IL1RAPL2: variants seen among roughly 807,000 people sequenced by gnomAD.
IL1RAPL2 encodes X-linked interleukin-1 receptor accessory protein-like 2.
In IL1RAPL2, 3 loss-of-function variants were observed where a neutral mutation model predicts 44.1. The ratio of observed to expected loss-of-function variants is 0.07; its 90% CI spans 0.03 to 0.18. The LOEUF (loss-of-function observed/expected upper bound fraction) is 0.18, where lower values mean the gene tolerates loss of function less well. Ranked by LOEUF, IL1RAPL2 falls within the 10% of genes least tolerant of loss-of-function variation. The pLI, the probability that IL1RAPL2 is intolerant of heterozygous loss-of-function variation, is 1.00. For synonymous variants in IL1RAPL2, 181 were observed against 178.8 expected (o/e 1.01, Z -0.10); for missense variants, 391 against 496.4 (o/e 0.79, Z 2.02).
chrX:105,258,629 C>G (rs1413896513), intron 4 of IL1RAPL2, among the ~76,000 whole-genome samples: 1 of 111,828 alleles, frequency 8.9e-6, no homozygotes, highest in Non-Finnish European at 1.9e-5. Context: ...TTGTTCATTC[C>G]TTTTTATTCT....
chrX:105,514,333 G>A (rs1311249517), intron 6 of IL1RAPL2, among the ~76,000 whole-genome samples: 2 of 111,465 alleles, frequency 1.8e-5, no homozygotes, highest in Admixed American at 9.6e-5. Context: ...CTAGACATGG[G>A]TGGGGCATCA....
chrX:105,143,080 A>G (rs1220808450), intron 2 of IL1RAPL2, among the ~76,000 whole-genome samples: 1 of 111,475 alleles, frequency 9.0e-6, no homozygotes, highest in African/African-American at 3.3e-5. Flanking sequence ...CAGTGCCACA[A>G]TAAATTGACA....
At chrX:104,874,519 A>C (rs1371113700) in intron 2 of IL1RAPL2, among the ~76,000 whole-genome samples, 1 of 111,052 alleles carries the variant, frequency 9.0e-6, no homozygotes, top group African/African-American at 3.3e-5. Flanking sequence ...GGATACAGGA[A>C]AGTGAATAAA....
intron 2 of IL1RAPL2, among the ~76,000 whole-genome samples, chrX:104,932,009 T>TTTTA (rs1924917833): frequency 4.3e-5 from 4 of 93,388 alleles, no homozygotes; most frequent in Non-Finnish European, 6.5e-5. Flanking sequence ...TTTTTTTTTT[T>TTTTA]GAGACAGAGT....
chrX:104,984,937 A>C (rs377230807), intron 2 of IL1RAPL2, among the ~76,000 whole-genome samples: 1 of 112,036 alleles, frequency 8.9e-6, no homozygotes, highest in African/African-American at 3.2e-5. Flanking sequence ...ATGAAAACTT[A>C]TCATATTAAT....
intron 5 of IL1RAPL2, among the ~76,000 whole-genome samples, chrX:105,369,428 C>T (rs772753585): frequency 3.6e-5 from 4 of 110,953 alleles, no homozygotes; most frequent in East Asian, 5.7e-4. Context: ...CATGTTATTG[C>T]CTTGAGTAAG....
At chrX:105,258,522 C>T (rs1357239062) in intron 4 of IL1RAPL2, among the ~76,000 whole-genome samples, 5 of 112,145 alleles carry the variant, frequency 4.5e-5, no homozygotes, top group African/African-American at 1.6e-4. Context: ...TCCTGAAATA[C>T]GTTTTCCAAG....
chrX:105,341,730 G>C (rs1042740175), intron 5 of IL1RAPL2, among the ~76,000 whole-genome samples: 30 of 111,266 alleles, frequency 2.7e-4, no homozygotes, highest in African/African-American at 9.8e-4. Flanking sequence ...AGGAGATCGA[G>C]ACTATCCTGG....
intron 2 of IL1RAPL2, among the ~76,000 whole-genome samples, chrX:105,148,990 G>A (rs1234101294): frequency 8.9e-6 from 1 of 111,768 alleles, no homozygotes; most frequent in Non-Finnish European, 1.9e-5. Flanking sequence ...CCAGAACTGT[G>A]AGAAATAATT....
At chrX:105,018,024 C>A (rs1048294417) in intron 2 of IL1RAPL2, among the ~76,000 whole-genome samples, 1 of 111,604 alleles carries the variant, frequency 9.0e-6, no homozygotes, top group Non-Finnish European at 1.9e-5. Context: ...GTTCCCCCCA[C>A]TACGTGTGCC....
At chrX:105,380,801 T>C (rs912266975) in intron 5 of IL1RAPL2, among the ~76,000 whole-genome samples, 5 of 111,856 alleles carry the variant, frequency 4.5e-5, no homozygotes, top group African/African-American at 1.6e-4. Flanking sequence ...GGCTTCTTTA[T>C]TGATTTGACA....
chrX:105,032,980 A>T (rs2031540333), intron 2 of IL1RAPL2, among the ~76,000 whole-genome samples: 1 of 111,684 alleles, frequency 9.0e-6, no homozygotes, highest in Non-Finnish European at 1.9e-5. Context: ...CCATTATGTA[A>T]TGGCCTTCTT....
chrX:105,105,174 G>A (rs1220526071), intron 2 of IL1RAPL2, among the ~76,000 whole-genome samples: 2 of 111,582 alleles, frequency 1.8e-5, no homozygotes, highest in Non-Finnish European at 3.8e-5. Context: ...CTTTGGAATG[G>A]ATCTGGATTT....
intron 2 of IL1RAPL2, among the ~76,000 whole-genome samples, chrX:105,011,841 G>C (rs766767185): frequency 3.6e-5 from 4 of 110,112 alleles, no homozygotes; most frequent in Non-Finnish European, 7.6e-5. Context: ...AATTGTGATG[G>C]TATTAATATT....
chrX:105,700,612 A>G (rs542533041), intron 6 of IL1RAPL2, among the ~76,000 whole-genome samples: 21 of 111,654 alleles, frequency 1.9e-4, no homozygotes, highest in African/African-American at 6.5e-4. Context: ...TTGTGAAACC[A>G]AAGCCTACTT....
At chrX:105,501,433 G>A (rs1285734203) in intron 6 of IL1RAPL2, among the ~76,000 whole-genome samples, 1 of 110,772 alleles carries the variant, frequency 9.0e-6, no homozygotes, top group African/African-American at 3.3e-5. Context: ...CGACCAGCCT[G>A]AGCAACATGG....
intron 7 of IL1RAPL2, among the ~76,000 whole-genome samples, chrX:105,718,563 A>G (rs1312988399): frequency 9.0e-6 from 1 of 111,308 alleles, no homozygotes; most frequent in Non-Finnish European, 1.9e-5. Flanking sequence ...GGAAATGCAA[A>G]CCAAAACCAC....
At chrX:105,677,298 G>A (rs1014761679) in intron 6 of IL1RAPL2, among the ~76,000 whole-genome samples, 4 of 111,819 alleles carry the variant, frequency 3.6e-5, no homozygotes, top group African/African-American at 1.3e-4. Context: ...TGAATGAAAT[G>A]TAAGCATTGG....
chrX:105,445,827 G>C (rs2035950780), intron 5 of IL1RAPL2, among the ~76,000 whole-genome samples: 1 of 110,904 alleles, frequency 9.0e-6, no homozygotes, highest in African/African-American at 3.3e-5. Context: ...GTCTTCTTTG[G>C]TTTATCCATG....
Sources: allele counts gnomAD v4.1 joint callset (sites outside exome capture counted in the v4.1 genomes callset), GRCh38; gene constraint gnomAD v4.1.1; transcripts MANE v1.5; gene names NCBI Gene and HGNC (gene_info 2026-07-23, HGNC 2026-07-21).